Variants in DCC observed in about 807,000 individuals in gnomAD.
DCC encodes netrin receptor DCC.
DCC carries 58 observed loss-of-function variants against 172.5 expected under a neutral mutation model. The observed-to-expected ratio is 0.34, with a 90% CI of 0.27 to 0.42. The LOEUF (loss-of-function observed/expected upper bound fraction) is 0.42, where lower values mean the gene tolerates loss of function less well. DCC is among the 10% of genes least tolerant of loss of function. The pLI is 1.00. For synonymous variants in DCC, 709 were observed against 644.5 expected, an observed-to-expected ratio of 1.10 and a Z score of -1.52; for missense variants, 1,740 against 1,791.0, an observed-to-expected ratio of 0.97 and a Z score of 0.51.
chr18:52,883,344 T>G (rs2039517467), intron 2 of DCC, among the ~76,000 whole-genome samples: 1 of 55,420 alleles, frequency 1.8e-5, no homozygotes, highest in African/African-American at 4.9e-5. Flanking sequence ...ATTTATTTAT[T>G]TATTTATGTG....
intron 26 of DCC, 88 bp from the exon 27 acceptor site, chr18:53,499,210 C>A: frequency 1.5e-6 from 2 of 1,320,222 alleles, no homozygotes; most frequent in Non-Finnish European, 1.1e-6. Context: ...TCACATCTCT[C>A]TGAATGGATG....
At chr18:53,058,842 A>G (rs2042453222) in intron 5 of DCC, among the ~76,000 whole-genome samples, 1 of 152,166 alleles carries the variant, frequency 6.6e-6, no homozygotes, top group Non-Finnish European at 1.5e-5. Flanking sequence ...TTCCAAAAGG[A>G]GAGAAAATTT....
At chr18:52,992,128 T>C (rs925696145) in intron 5 of DCC, among the ~76,000 whole-genome samples, 1 of 152,212 alleles carries the variant, frequency 6.6e-6, no homozygotes, top group African/African-American at 2.4e-5. Context: ...GTCCGCCCTT[T>C]ATGCGAATGG....
At chr18:52,399,122 C>T (rs569452315) in intron 1 of DCC, among the ~76,000 whole-genome samples, 2 of 152,008 alleles carry the variant, frequency 1.3e-5, no homozygotes, top group East Asian at 3.9e-4. Flanking sequence ...AGATAAGGCT[C>T]TTGACAAAAA....
In DCC at chr18:52,965,546, A is replaced by G. The variant is rs58338786; in HGVS notation, c.985+40176A>G. Among the ~76,000 whole-genome samples the G allele has an allele frequency of 1.1e-3, 165 of 152,344 alleles. 1 individual carries two copies. The highest frequency in any genetic ancestry group is 3.9e-3 in the African/African-American group (162 of 41,594). ...AAATGTGAATTCCAAAAATAGGGTT[A>G]AAACTATGGCAGAGAAAAGTAATAA... On this transcript the variant is annotated intron_variant, in intron 5 of 28. Coordinates refer to ENST00000442544, the MANE Select transcript of DCC (RefSeq NM_005215.4).
At chr18:53,181,449 A>AG (rs1484142331) in intron 9 of DCC, among the ~76,000 whole-genome samples, 1 of 151,042 alleles carries the variant, frequency 6.6e-6, no homozygotes, top group African/African-American at 2.4e-5. Context: ...TCCCAAGCCA[A>AG]GGGACAGTAA....
At chr18:52,792,305 G>A (rs1169813672) in intron 2 of DCC, among the ~76,000 whole-genome samples, 1 of 152,138 alleles carries the variant, frequency 6.6e-6, no homozygotes, top group African/African-American at 2.4e-5. Context: ...TTATTTCCCT[G>A]AATTGTAAAA....
At chr18:52,673,660 GC>G (rs2035596249) in intron 1 of DCC, among the ~76,000 whole-genome samples, 6 of 151,328 alleles carry the variant, frequency 4.0e-5, no homozygotes, top group Admixed American at 3.9e-4. Context: ...AGTAAATAAG[GC>G]CTTTTTTGAA....
At chr18:53,036,167 T>A (rs1438563481) in intron 5 of DCC, among the ~76,000 whole-genome samples, 1 of 151,968 alleles carries the variant, frequency 6.6e-6, no homozygotes, top group East Asian at 1.9e-4. Flanking sequence ...TTACAAAAAA[T>A]TTAAGAAGAT....
intron 1 of DCC, among the ~76,000 whole-genome samples, chr18:52,730,508 T>G (rs8094369): frequency 0.98 from 148,874 of 152,272 alleles, 72,858 homozygotes; most frequent in East Asian, 1. Context: ...AAAAACTCTT[T>G]CAAAGTATGT....
intron 12 of DCC, among the ~76,000 whole-genome samples, chr18:53,294,700 C>T (rs772690028): frequency 2.0e-5 from 3 of 152,156 alleles, no homozygotes; most frequent in Admixed American, 1.3e-4. Flanking sequence ...AATACTGTTA[C>T]AAGAGCTGGG....
chr18:52,859,396 G>A (rs182770119), intron 2 of DCC, among the ~76,000 whole-genome samples: 163 of 152,220 alleles, frequency 1.1e-3, no homozygotes, highest in African/African-American at 1.4e-3. Flanking sequence ...ATACACATGC[G>A]GAGGACCACA....
chr18:52,722,474 A>G (rs924189757), intron 1 of DCC, among the ~76,000 whole-genome samples: 1 of 152,190 alleles, frequency 6.6e-6, no homozygotes, highest in African/African-American at 2.4e-5. Flanking sequence ...GAGTTAGAAC[A>G]TACTATGGTT....
At chr18:52,798,575 C>T (rs2037922311) in intron 2 of DCC, among the ~76,000 whole-genome samples, 2 of 151,160 alleles carry the variant, frequency 1.3e-5, no homozygotes, top group Admixed American at 6.6e-5. Flanking sequence ...CAAATACTTT[C>T]TGAGTTGAAA....
chr18:53,437,611 G>C (rs1226082549), intron 22 of DCC, among the ~76,000 whole-genome samples: 2 of 86,142 alleles, frequency 2.3e-5, no homozygotes, highest in African/African-American at 9.2e-5. Flanking sequence ...AAAAAAAAAA[G>C]CTCACAGAAG....
At chr18:52,879,013 T>G (rs1451845957) in intron 2 of DCC, among the ~76,000 whole-genome samples, 1 of 152,146 alleles carries the variant, frequency 6.6e-6, no homozygotes, top group Non-Finnish European at 1.5e-5. Flanking sequence ...AAAGTTGTAT[T>G]GATTGCAATT....
At chr18:53,127,546 C>A (rs941159520) in intron 7 of DCC, among the ~76,000 whole-genome samples, 2 of 152,054 alleles carry the variant, frequency 1.3e-5, no homozygotes, top group Non-Finnish European at 2.9e-5. Flanking sequence ...CCCACTATCA[C>A]CAGTCCCATT....
chr18:53,183,660 A>T (rs1378795851), intron 9 of DCC, among the ~76,000 whole-genome samples: 2 of 152,034 alleles, frequency 1.3e-5, no homozygotes, highest in African/African-American at 4.8e-5. Context: ...TTAGTCTATT[A>T]TATTCTTTAC....
chr18:53,047,627 CA>C (rs1039921223), intron 5 of DCC, among the ~76,000 whole-genome samples: 3 of 150,622 alleles, frequency 2.0e-5, no homozygotes, highest in Non-Finnish European at 3.0e-5. Context: ...AGCTTTTACA[CA>C]GACATATTGC....
Sources: allele counts gnomAD v4.1 joint callset (sites outside exome capture counted in the v4.1 genomes callset), GRCh38; gene constraint gnomAD v4.1.1; transcripts MANE v1.5; gene names NCBI Gene and HGNC (gene_info 2026-07-23, HGNC 2026-07-21).